The following PCMT1 variants were observed in gnomAD, a reference collection of about 807,000 sequenced individuals.
The protein encoded by PCMT1 is protein-L-isoaspartate (D-aspartate) O-methyltransferase.
In PCMT1, 9 loss-of-function variants were observed where a neutral mutation model predicts 29.2. That is an observed-to-expected ratio of 0.31 (90% CI 0.19 to 0.54). The LOEUF (loss-of-function observed/expected upper bound fraction) is 0.54, where lower values mean the gene tolerates loss of function less well. PCMT1 is among the 20% of genes least tolerant of loss of function. PCMT1 has a pLI of 0.95. For missense variants in PCMT1, 184 were observed against 282.2 expected (o/e 0.65, Z 2.49); for synonymous variants, 98 against 97.5 (o/e 1.00, Z -0.03).
At chr6:149,793,763 A>ATT in intron 5 of PCMT1, 94 bp downstream of exon 5, 1 of 1,090,608 alleles carries the variant, frequency 9.2e-7, no homozygotes, top group Admixed American at 3.7e-5. Flanking sequence ...TAATTATTGT[A>ATT]TTTTTTTTTA....
intron 6 of PCMT1, chr6:149,797,896 T>G (rs1788678716): frequency 6.6e-6 from 1 of 151,742 alleles, no homozygotes; most frequent in Non-Finnish European, 1.5e-5. Context: ...AAAAAAAAAG[T>G]AGCTCACGCC....
rs1276753313 is a variant in PCMT1, at chr6:149,794,619, A to T, written c.418+950A>T. ...GCGACAGAGCTAGAGTCCGTCTCAA[A>T]AAAACAAATAAAATAAAATAAAGGC... On this transcript the variant is annotated intron_variant, in intron 5 of 7. Transcript: ENST00000464889. The T allele has an allele frequency of 4.6e-5, 12 of 260,452 alleles. No individual in the cohort carries two copies. The Admixed American group carries it at 6.3e-4, about 14-fold the overall frequency. The allele number at this position is 260,452 out of a possible 1,614,324, so 16.1% of individuals were successfully genotyped here.
chr6:149,796,377 C>G, intron 5 of PCMT1, 38 bp from the exon 6 acceptor site: 1 of 1,429,136 alleles, frequency 7.0e-7, no homozygotes, highest in Non-Finnish European at 9.8e-7. Context: ...TAAGTTTGAT[C>G]TAAACAGGTT....
chr6:149,771,338 C>G, intron 2 of PCMT1, 72 bp downstream of exon 2: 4 of 905,808 alleles, frequency 4.4e-6, no homozygotes, highest in Non-Finnish European at 7.0e-6. Flanking sequence ...TAGAAAAAGC[C>G]TGGGACACAG....
intron 7 of PCMT1, among the ~76,000 whole-genome samples, chr6:149,804,442 A>C (rs1775948091): frequency 6.6e-6 from 1 of 152,156 alleles, no homozygotes; most frequent in Admixed American, 6.5e-5. Flanking sequence ...TGTGAAGCTA[A>C]CAAAGCTGAA....
rs11297063 is a variant in PCMT1 at position 149,802,180 on chromosome 6, C to CTTTTT, written c.505-12_505-8dup. ...AATCTGTAACTTGGTGATGTATGTG[C>CTTTTT]TTTTTTTTTTTTCTTTTAGCTAATA... On this transcript the variant is annotated intron_variant, in intron 6 of 7. Coordinates refer to ENST00000464889, the MANE Select transcript of PCMT1 (RefSeq NM_001360452.2). 2 of 1,265,704 alleles carry CTTTTT rather than the reference C, an allele frequency of 1.6e-6. No individual in the cohort carries two copies. The highest frequency in any genetic ancestry group is 2.2e-6 in the Non-Finnish European group (2 of 929,094). The allele number at this position is 1,265,704 out of a possible 1,614,324, so 78.4% of individuals were successfully genotyped here. A position where few individuals can be genotyped will look rare whatever the true frequency, so the allele number is the denominator to read the frequency against.
intron 3 of PCMT1, among the ~76,000 whole-genome samples, chr6:149,779,691 TCCCAG>T (rs1366091598): frequency 2.0e-5 from 3 of 151,990 alleles, no homozygotes; most frequent in Admixed American, 1.3e-4. Flanking sequence ...GAGCCTATAA[TCCCAG>T]CTACTCAGGA....
intron 3 of PCMT1, among the ~76,000 whole-genome samples, chr6:149,787,659 G>A (rs1202019787): frequency 1.3e-5 from 2 of 151,894 alleles, no homozygotes; most frequent in East Asian, 1.9e-4. Flanking sequence ...CACCATGCCC[G>A]GCCCAAATGT....
At chr6:149,763,022 T>TGATA (rs1490245608) in intron 1 of PCMT1, among the ~76,000 whole-genome samples, 1 of 64,518 alleles carries the variant, frequency 1.5e-5, no homozygotes, top group Non-Finnish European at 2.2e-5. Context: ...ATGATATATA[T>TGATA]GATATATCTA....
intron 1 of PCMT1, among the ~76,000 whole-genome samples, chr6:149,760,000 C>T (rs1374241556): frequency 6.6e-6 from 1 of 152,156 alleles, no homozygotes; most frequent in African/African-American, 2.4e-5. Context: ...CCATCCCAGC[C>T]CAGGTTCGTA....
rs1787750959 is a variant in PCMT1 at position 149,780,032 on chromosome 6, A to G, written c.192+6863A>G. On this transcript the variant is annotated intron_variant, in intron 3 of 7. Coordinates refer to ENST00000464889, the MANE Select transcript of PCMT1 (RefSeq NM_001360452.2). ...ATGCATTTTAAAACAACAATACAAA[A>G]CAGCTTTATTAAGATACAATTCTTG... 2.0e-5 allele frequency among the ~76,000 whole-genome samples: 3 copies of G among 151,848 alleles called. No individual in the cohort carries two copies. In the South Asian group the frequency reaches 6.2e-4, roughly 32 times the overall value.
At chr6:149,809,630 C>T (rs1776109480) in intron 7 of PCMT1, among the ~76,000 whole-genome samples, 1 of 152,110 alleles carries the variant, frequency 6.6e-6, no homozygotes, top group Admixed American at 6.6e-5. Context: ...ATTATGAGCT[C>T]TTTATTTCTT....
At chr6:149,787,949 G>A (rs1157049509) in intron 3 of PCMT1, among the ~76,000 whole-genome samples, 1 of 151,390 alleles carries the variant, frequency 6.6e-6, no homozygotes, top group Non-Finnish European at 1.5e-5. Context: ...TTGCTCTGTC[G>A]CCCAGGCTGG....
At chr6:149,796,668 T>C (rs1431329169) in intron 6 of PCMT1, 168 bp downstream of exon 6, 7 of 492,384 alleles carry the variant, frequency 1.4e-5, no homozygotes, top group Admixed American at 1.1e-4. Context: ...CAAACAATTG[T>C]ATAAATGACA....
chr6:149,779,747 GGT>G (rs1787739019), intron 3 of PCMT1, among the ~76,000 whole-genome samples: 1 of 152,052 alleles, frequency 6.6e-6, no homozygotes, highest in Non-Finnish European at 1.5e-5. Context: ...GGAGGGTGCA[GGT>G]TGCAGTGAGC....
At chr6:149,794,677 A>G (rs1266584629) in intron 5 of PCMT1, 1 of 378,808 alleles carries the variant, frequency 2.6e-6, no homozygotes, top group East Asian at 7.8e-5. Context: ...GCCATCCCCT[A>G]GAGGGATCTG....
intron 7 of PCMT1, among the ~76,000 whole-genome samples, chr6:149,803,052 CAAAAAAAAAAAAA>C (rs60853264): frequency 1.3e-4 from 9 of 70,576 alleles, no homozygotes; most frequent in South Asian, 1.1e-3. Context: ...GGCTCTGTCT[CAAAAAAAAAAAAA>C]AAAAAAAAAA....
At chr6:149,804,080 C>CA (rs58975454) in intron 7 of PCMT1, among the ~76,000 whole-genome samples, 38,316 of 75,430 alleles carry the variant, frequency 0.51, 8,570 homozygotes, top group East Asian at 0.74. Context: ...GACTCTGTCT[C>CA]AAAAAAAAAA....
At chr6:149,808,557 T>C (rs1776073489) in intron 7 of PCMT1, among the ~76,000 whole-genome samples, 2 of 152,172 alleles carry the variant, frequency 1.3e-5, no homozygotes, top group South Asian at 4.1e-4. Context: ...GGAAAAATGG[T>C]ACCTATGTTG....
Sources: gnomAD v4.1 joint callset for allele counts (sites outside exome capture counted in the v4.1 genomes callset) on GRCh38, gnomAD v4.1.1 for gene constraint, MANE v1.5 for transcripts, NCBI Gene and HGNC (gene_info 2026-07-23, HGNC 2026-07-21) for gene names.